Variants in CHL1 observed in about 807,000 individuals in gnomAD.
CHL1 encodes the protein cell adhesion molecule L1 like, also known as neural cell adhesion molecule L1-like protein.
In CHL1, 96 loss-of-function variants were observed where a neutral mutation model predicts 141.9. The observed-to-expected ratio is 0.68, with a 90% CI of 0.57 to 0.80. The LOEUF is 0.80. Ranked by LOEUF, CHL1 falls within the 30% of genes least tolerant of loss-of-function variation. The probability of loss-of-function intolerance (pLI) is 0.00; values close to 1 mark genes in which losing one functional copy is unlikely to be tolerated. For missense variants in CHL1, 1,820 were observed against 1,457.2 expected (o/e 1.25, Z -4.05); for synonymous variants, 613 against 502.2 (o/e 1.22, Z -2.95).
intron 5 of CHL1, among the ~76,000 whole-genome samples, chr3:336,024 GT>G (rs1701835258): frequency 6.6e-6 from 1 of 152,188 alleles, no homozygotes; most frequent in African/African-American, 2.4e-5. Flanking sequence ...TGAGTTAGGT[GT>G]TATTACATTT....
chr3:284,807 C>T (rs1696986344), intron 2 of CHL1, among the ~76,000 whole-genome samples: 1 of 151,010 alleles, frequency 6.6e-6, no homozygotes, highest in African/African-American at 2.4e-5. Flanking sequence ...GATCTAAGGA[C>T]ATTAATCAGA....
chr3:284,059 T>A (rs1696902188), intron 2 of CHL1, among the ~76,000 whole-genome samples: 1 of 152,252 alleles, frequency 6.6e-6, no homozygotes, highest in Non-Finnish European at 1.5e-5. Flanking sequence ...ATCCACTAAG[T>A]ACTTTGCCAG....
chr3:342,839 A>G, intron 7 of CHL1, 145 bp from the exon 8 acceptor site: 1 of 577,170 alleles, frequency 1.7e-6, no homozygotes, highest in South Asian at 2.5e-5. Context: ...ATGTAAAACT[A>G]TATTCCCAAA....
chr3:264,952 C>T lies in CHL1; in HGVS notation c.-95+20260C>T, dbSNP rs111280134. Among the ~76,000 whole-genome samples, 427 of 152,326 alleles carry T rather than the reference C, an allele frequency of 2.8e-3. 2 individuals are homozygous for T. The highest frequency in any genetic ancestry group is 6.8e-3 in the Middle Eastern group (2 of 294). ...AAAGAACTACAGGAGAGCCACAGCC[C>T]TCTGAAGTAGTAATTTTTGTAAATT... On this transcript the variant is annotated intron_variant, in intron 2 of 27. Coordinates refer to ENST00000256509, the MANE Select transcript of CHL1 (RefSeq NM_006614.4).
chr3:288,006 A>G (rs904153781), intron 2 of CHL1, among the ~76,000 whole-genome samples: 1 of 152,062 alleles, frequency 6.6e-6, no homozygotes, highest in Non-Finnish European at 1.5e-5. Context: ...GACCTCGGGC[A>G]ATCTGCCCAC....
At position 407,691 on chromosome 3, in the gene CHL1, T is replaced by C. The variant is rs906645489; in HGVS notation, c.*1980T>C. 6.6e-6 allele frequency: 1 copy of C among 152,182 alleles called. No homozygotes were observed. Among genetic ancestry groups the C allele is most frequent in the Admixed American group, 6.6e-5 (1 of 15,252 alleles). 9.4% of individuals were successfully genotyped at this position (152,182 alleles called of 1,614,324 possible). On this transcript the variant is annotated 3_prime_UTR_variant, in exon 28 of 28. Coordinates refer to ENST00000256509, the MANE Select transcript of CHL1 (RefSeq NM_006614.4). ...ACGTTCGAGCTTAGTTCTGGTGTTA[T>C]TCTGTCTCCTCTTCTTTGTCATCAG...
At chr3:257,705 A>T (rs1404965539) in intron 2 of CHL1, among the ~76,000 whole-genome samples, 1 of 152,112 alleles carries the variant, frequency 6.6e-6, no homozygotes, top group East Asian at 1.9e-4. Flanking sequence ...AGCTTGCCAC[A>T]GGTCTATTTA....
chr3:392,874 G>A (rs2125452975), intron 23 of CHL1, among the ~76,000 whole-genome samples: 1 of 152,294 alleles, frequency 6.6e-6, no homozygotes, highest in African/African-American at 2.4e-5. Context: ...TCAATACTAA[G>A]TGTATCTCTT....
chr3:240,674 C>T (rs985793684), intron 1 of CHL1, among the ~76,000 whole-genome samples: 7 of 152,156 alleles, frequency 4.6e-5, no homozygotes, highest in Non-Finnish European at 5.9e-5. Context: ...TTGCCTAAGC[C>T]AATGTCTAGA....
chr3:214,054 A>C (rs1700107930), intron 1 of CHL1, among the ~76,000 whole-genome samples: 1 of 152,184 alleles, frequency 6.6e-6, no homozygotes, highest in African/African-American at 2.4e-5. Context: ...AGTCAACCTA[A>C]TGCTTGCTTA....
chr3:319,495 G>A (rs965638510), intron 2 of CHL1, among the ~76,000 whole-genome samples, 188 bp from the exon 3 acceptor site: 10 of 150,000 alleles, frequency 6.7e-5, no homozygotes, highest in African/African-American at 2.2e-4. Context: ...GTATATATTC[G>A]CTGTCCTTTA....
chr3:327,442 A>G (rs1701103073), intron 4 of CHL1, among the ~76,000 whole-genome samples: 1 of 151,876 alleles, frequency 6.6e-6, no homozygotes, highest in Non-Finnish European at 1.5e-5. Context: ...CTAGAATATA[A>G]TTTTGCAACA....
chr3:365,190 A>C (rs1331936983), intron 14 of CHL1, among the ~76,000 whole-genome samples: 1 of 152,364 alleles, frequency 6.6e-6, no homozygotes, highest in East Asian at 1.9e-4. Flanking sequence ...CAAATGCCAC[A>C]TTAAGAGTAT....
intron 2 of CHL1, among the ~76,000 whole-genome samples, chr3:308,040 A>G (rs894598523): frequency 1.3e-5 from 2 of 152,206 alleles, no homozygotes; most frequent in African/African-American, 4.8e-5. Context: ...TTAAAGTTCT[A>G]TTAGCCTTTA....
intron 2 of CHL1, among the ~76,000 whole-genome samples, chr3:291,230 G>C (rs527628964): frequency 6.7e-4 from 102 of 151,798 alleles, no homozygotes; most frequent in African/African-American, 2.3e-3. Context: ...TTAATAAGGG[G>C]GAAAACCTTT....
At chr3:382,430 A>G in intron 17 of CHL1, 44 bp from the exon 18 acceptor site, 1 of 1,544,486 alleles carries the variant, frequency 6.5e-7, no homozygotes, top group Non-Finnish European at 8.9e-7. Flanking sequence ...TAACTTATCC[A>G]TACTCCATAC....
chr3:223,071 A>G (rs1368471187), intron 1 of CHL1, among the ~76,000 whole-genome samples: 1 of 152,134 alleles, frequency 6.6e-6, no homozygotes, highest in Admixed American at 6.5e-5. Flanking sequence ...ATCCTGAATC[A>G]CCTTACATTT....
At chr3:259,311 T>TGTGTGTGCATGC (rs1051686835) in intron 2 of CHL1, among the ~76,000 whole-genome samples, 4 of 150,952 alleles carry the variant, frequency 2.6e-5, no homozygotes, top group African/African-American at 9.9e-5. Flanking sequence ...TGCTTGTGTG[T>TGTGTGTGCATGC]GTGTGTGCAT....
chr3:285,414 C>T (rs331874), intron 2 of CHL1, among the ~76,000 whole-genome samples: 84,419 of 152,124 alleles, frequency 0.55, 26,288 homozygotes, highest in African/African-American at 0.85. Context: ...TGCAATTAAG[C>T]AATTGAGTAC....
Sources: allele counts gnomAD v4.1 joint callset (sites outside exome capture counted in the v4.1 genomes callset), GRCh38; gene constraint gnomAD v4.1.1; transcripts MANE v1.5; gene names NCBI Gene and HGNC (gene_info 2026-07-23, HGNC 2026-07-21).